The following DLG2 variants were observed in gnomAD, a reference collection of about 807,000 sequenced individuals.
DLG2 encodes the protein disks large homolog 2.
Under a neutral mutation model 132.5 loss-of-function variants are expected in DLG2, and 45 were observed. That is an observed-to-expected ratio of 0.34 (90% CI 0.27 to 0.44). The LOEUF is 0.44. Among genes scored for constraint, DLG2 ranks in the 20% least tolerant of loss-of-function variants. The pLI is 1.00. For synonymous variants in DLG2, 424 were observed against 419.6 expected, an observed-to-expected ratio of 1.01 and a Z score of -0.13; for missense variants, 1,045 against 1,196.9, an observed-to-expected ratio of 0.87 and a Z score of 1.87.
rs554493487 is a variant in DLG2 at position 83,877,507 on chromosome 11, A to T, written c.1497-3019T>A. On this transcript the variant is annotated intron_variant, in intron 15 of 27. Coordinates refer to ENST00000376104, the MANE Select transcript of DLG2 (RefSeq NM_001142699.3). Reference sequence around the variant, plus strand: ...ATTCAGTAATCTCACTTCACTTATCATTACCTTATAACTAATTATTTTGTT... The same window carrying T: ...ATTCAGTAATCTCACTTCACTTATCTTTACCTTATAACTAATTATTTTGTT... 4.5e-4 allele frequency among the ~76,000 whole-genome samples: 68 copies of T among 152,266 alleles called. 1 individual carries two copies. In the South Asian group the frequency reaches 6.6e-3, roughly 15 times the overall value.
At position 83,592,302 on chromosome 11, in the gene DLG2, T is replaced by C. The variant is rs976465809; in HGVS notation, c.1940+40909A>G. 8.2e-4 allele frequency among the ~76,000 whole-genome samples: 123 copies of C among 149,320 alleles called. 1 individual carries two copies. The highest frequency in any genetic ancestry group is 3.1e-3 in the Admixed American group (46 of 14,748). On this transcript the variant is annotated intron_variant, in intron 19 of 27. Transcript: ENST00000376104. The stretch of plus-strand genomic sequence containing the variant: ...ACTGGTACCAAAACAGAGATATAGA[T>C]CAATGGAACAGAACAGAGCCCTGAG...
intron 6 of DLG2, among the ~76,000 whole-genome samples, chr11:84,580,239 A>G (rs2099513200): frequency 6.6e-6 from 1 of 152,192 alleles, no homozygotes; most frequent in South Asian, 2.1e-4. Context: ...ATTTTCCTGG[A>G]TCATAAATAA....
intron 7 of DLG2, among the ~76,000 whole-genome samples, chr11:84,266,138 C>T (rs188902365): frequency 1.1e-4 from 17 of 152,252 alleles, no homozygotes; most frequent in Admixed American, 2.0e-4. Context: ...ATGAGCAATA[C>T]TGGAATACAA....
chr11:83,799,480 C>T (rs372400386), intron 17 of DLG2, among the ~76,000 whole-genome samples: 2 of 152,132 alleles, frequency 1.3e-5, no homozygotes, highest in South Asian at 2.1e-4. Context: ...ATAATTAAGG[C>T]CCAAATTAGG....
chr11:84,287,886 T>C (rs1002001902), intron 7 of DLG2, among the ~76,000 whole-genome samples: 1 of 151,936 alleles, frequency 6.6e-6, no homozygotes, highest in African/African-American at 2.4e-5. Context: ...TGAGAGCCAA[T>C]AGGTGAACTT....
At chr11:84,273,135 A>C (rs1368850041) in intron 7 of DLG2, 1 of 1,500,838 alleles carries the variant, frequency 6.7e-7, no homozygotes. Flanking sequence ...GGAAAATAAA[A>C]GAAAATTTTC....
At chr11:84,367,366 C>T (rs2098688357) in intron 7 of DLG2, among the ~76,000 whole-genome samples, 1 of 152,068 alleles carries the variant, frequency 6.6e-6, no homozygotes, top group Non-Finnish European at 1.5e-5. Context: ...AATGGCATGG[C>T]TGTGTTCCAG....
At chr11:83,897,579 T>C (rs776043570) in intron 15 of DLG2, among the ~76,000 whole-genome samples, 2 of 152,212 alleles carry the variant, frequency 1.3e-5, no homozygotes, top group South Asian at 2.1e-4. Flanking sequence ...ACTAAAATAC[T>C]ATTTGTTACT....
At chr11:85,580,268 A>G (rs2078428719) in intron 3 of DLG2, among the ~76,000 whole-genome samples, 1 of 152,178 alleles carries the variant, frequency 6.6e-6, no homozygotes, top group South Asian at 2.1e-4. Context: ...AAACGGACTA[A>G]TACAGGGCCA....
chr11:83,879,834 A>G (rs1469814092), intron 15 of DLG2, among the ~76,000 whole-genome samples: 1 of 152,184 alleles, frequency 6.6e-6, no homozygotes, highest in Non-Finnish European at 1.5e-5. Flanking sequence ...TAATAAAGAG[A>G]ATGATGAAAG....
At chr11:84,056,049 T>G (rs1223447446) in intron 11 of DLG2, among the ~76,000 whole-genome samples, 1 of 152,106 alleles carries the variant, frequency 6.6e-6, no homozygotes, top group African/African-American at 2.4e-5. Context: ...TCAGATAAAC[T>G]ATGCACATGT....
chr11:85,518,268 G>A (rs556457995), intron 3 of DLG2, among the ~76,000 whole-genome samples: 1 of 152,304 alleles, frequency 6.6e-6, no homozygotes, highest in East Asian at 1.9e-4. Context: ...GAACTTCCTG[G>A]AGACTTCTTG....
At chr11:85,094,834 T>C (rs1405737597) in intron 6 of DLG2, among the ~76,000 whole-genome samples, 1 of 152,248 alleles carries the variant, frequency 6.6e-6, no homozygotes, top group African/African-American at 2.4e-5. Flanking sequence ...CTTGGCTGTT[T>C]GGTGCAAGAG....
chr11:84,315,812 C>T (rs2098348093), intron 7 of DLG2, among the ~76,000 whole-genome samples: 1 of 152,066 alleles, frequency 6.6e-6, no homozygotes, highest in South Asian at 2.1e-4. Context: ...CTTGGAAGTA[C>T]TTTTTAAAAA....
At chr11:84,412,640 C>A (rs556173231) in intron 7 of DLG2, among the ~76,000 whole-genome samples, 134 of 152,274 alleles carry the variant, frequency 8.8e-4, no homozygotes, top group African/African-American at 3.1e-3. Flanking sequence ...CTGCCACATG[C>A]CCTAGGTGAG....
intron 7 of DLG2, among the ~76,000 whole-genome samples, chr11:84,301,363 A>G (rs1026845745): frequency 1.6e-4 from 25 of 152,284 alleles, no homozygotes; most frequent in Non-Finnish European, 2.9e-4. Context: ...GGCGATCATT[A>G]AAGTCAGGAA....
rs200342146 is a variant in DLG2, at chr11:84,048,147, TTAA to T, written c.919+11165_919+11167del. Among the ~76,000 whole-genome samples, 16 of 150,766 alleles carry T rather than the reference TTAA, an allele frequency of 1.1e-4. No homozygotes were observed. The East Asian group carries it at 2.3e-3, about 22-fold the overall frequency. ...ATTTATCAAATATGGTGTCCTTCAT[TTAA>T]TAATAATAATAATAATAATAAAAGA... On this transcript the variant is annotated intron_variant, in intron 11 of 27. Transcript: ENST00000376104.
intron 11 of DLG2, among the ~76,000 whole-genome samples, chr11:83,999,501 C>G (rs898776830): frequency 2.0e-5 from 3 of 152,180 alleles, no homozygotes; most frequent in African/African-American, 7.2e-5. Flanking sequence ...GCCCACCTGC[C>G]TGGCTCACTG....
intron 19 of DLG2, among the ~76,000 whole-genome samples, chr11:83,621,350 G>A (rs2061613793): frequency 2.0e-5 from 3 of 151,902 alleles, no homozygotes; most frequent in Admixed American, 2.0e-4. Context: ...CATATGGGAA[G>A]GACACAAGCA....
Sources: gnomAD v4.1 joint callset for allele counts (sites outside exome capture counted in the v4.1 genomes callset) on GRCh38, gnomAD v4.1.1 for gene constraint, MANE v1.5 for transcripts, NCBI Gene and HGNC (gene_info 2026-07-23, HGNC 2026-07-21) for gene names.